CHD3: variants seen among roughly 807,000 people sequenced by gnomAD.
The protein encoded by CHD3 is ATP-dependent chromatin remodeler CHD3.
CHD3 carries 52 observed loss-of-function variants against 248.9 expected under a neutral mutation model. That is an observed-to-expected ratio of 0.21 (90% CI 0.17 to 0.26). The LOEUF (loss-of-function observed/expected upper bound fraction) is 0.26, where lower values mean the gene tolerates loss of function less well. Ranked by LOEUF, CHD3 falls within the 10% of genes least tolerant of loss-of-function variation. CHD3 has a pLI of 1.00. For missense variants in CHD3, 1,482 were observed against 2,605.8 expected (o/e 0.57, Z 9.39); for synonymous variants, 985 against 985.2 (o/e 1.00, Z 0.00).
rs559313061 is a variant in CHD3 at position 7,901,834 on chromosome 17, C to A, written c.3252+459C>A. The stretch of plus-strand genomic sequence containing the variant: ...CCTCTGATGCCTGTTCTTAAGGTTG[C>A]TGGAAGTTGAGGTCCAGCTCTAGTT... On this transcript the variant is annotated intron_variant, in intron 20 of 39. Coordinates refer to ENST00000330494, the MANE Select transcript of CHD3 (RefSeq NM_001005273.3). Among the ~76,000 whole-genome samples, 230 of 152,174 alleles carry A rather than the reference C, an allele frequency of 1.5e-3. 4 individuals carry two copies. In the South Asian group the frequency reaches 0.03, roughly 20 times the overall value.
chr17:7,886,373 G>T (rs1377714679), upstream of CHD3, among the ~76,000 whole-genome samples: 2 of 152,216 alleles, frequency 1.3e-5, no homozygotes, highest in African/African-American at 4.8e-5. The surrounding 1 kb of genome is among the most constrained non-coding windows in gnomAD (Gnocchi z 4.2). Flanking sequence ...TTGGGGAACA[G>T]CAGGGGGACC....
At chr17:7,894,745 T>C in intron 8 of CHD3, 137 bp downstream of exon 8, 3 of 1,333,108 alleles carry the variant, frequency 2.3e-6, no homozygotes, top group Non-Finnish European at 3.1e-6. Flanking sequence ...AGGATCCTAA[T>C]GTATTCCTTT....
At chr17:7,893,060 C>T (rs1281407453) in intron 4 of CHD3, among the ~76,000 whole-genome samples, 3 of 152,128 alleles carry the variant, frequency 2.0e-5, no homozygotes, top group East Asian at 3.8e-4. Context: ...CATGAGCCAC[C>T]GTGCCTGGCC....
rs772231915 is a variant in CHD3, at chr17:7,889,689, G to A, written c.126G>A (p.Pro42=). 5.3e-5 allele frequency: 85 copies of A among 1,613,176 alleles called. No individual in the cohort carries two copies. Among genetic ancestry groups the A allele is most frequent in the South Asian group, 8.8e-5 (8 of 90,936 alleles). ...ATAAGGATGACATTCGGCTGCTGCCGTCAGCATTGGGTGTGAAGAAGAGAA... is the reference window on the plus strand; with the variant it reads ...ATAAGGATGACATTCGGCTGCTGCCATCAGCATTGGGTGTGAAGAAGAGAA... ...MPDKDDIRLL[P]SALGVKKRKR... Residue 42 remains proline (P), a synonymous_variant, in exon 2 of 40, where the codon CCG becomes CCA. Transcript: ENST00000330494. This position sits in a 1 kb window ranked among gnomAD's most constrained non-coding sequence, Gnocchi z 4.5.
At chr17:7,888,150 C>T (rs1316544089), upstream of CHD3, among the ~76,000 whole-genome samples, 4 of 152,208 alleles carry the variant, frequency 2.6e-5, no homozygotes, top group East Asian at 7.7e-4. Flanking sequence ...CTTCCTATTA[C>T]AGTCCCCATT....
At position 7,890,545 on chromosome 17, in the gene CHD3, A is replaced by C. The variant is rs1221428206; in HGVS notation, c.214-26A>C. 4 of 1,489,392 alleles carry C rather than the reference A, an allele frequency of 2.7e-6. No individual in the cohort carries two copies. The African/African-American group carries it at 5.6e-5, about 21-fold the overall frequency. The allele number at this position is 1,489,392 out of a possible 1,614,324, so 92.3% of individuals were successfully genotyped here. On this transcript the variant is annotated intron_variant, in intron 2 of 39. Coordinates refer to ENST00000330494, the MANE Select transcript of CHD3 (RefSeq NM_001005273.3). The stretch of plus-strand genomic sequence containing the variant: ...TTCTGGCAATGGTAGGGATGAATAA[A>C]TGTTATTTTTATTTCTTTCTCTTAG...
At position 7,907,715 on chromosome 17, in the gene CHD3, AGGGACCG is replaced by A. The variant is rs1971163158; in HGVS notation, c.5026+15_5026+21del. 1 of 1,524,072 alleles carries A rather than the reference AGGGACCG, an allele frequency of 6.6e-7. No individual in the cohort carries two copies. Among genetic ancestry groups the A allele is most frequent in the African/African-American group, 1.4e-5 (1 of 71,276 alleles). 94.4% of individuals were successfully genotyped at this position (1,524,072 alleles called of 1,614,324 possible). A position where few individuals can be genotyped will look rare whatever the true frequency, so the allele number is the denominator to read the frequency against. On this transcript the variant is annotated intron_variant, in intron 33 of 39. Transcript: ENST00000330494. The surrounding 1 kb of genome is among the most constrained non-coding windows in gnomAD (Gnocchi z 4.3). Reference sequence around the variant, plus strand: ...TTGGGCAAGAGAGGTAATGGGTGGAAGGGACCGGACACCTGGGTCCCAGAGGGCATCA... The same window carrying A: ...TTGGGCAAGAGAGGTAATGGGTGGAAGACACCTGGGTCCCAGAGGGCATCA...
Position 7,897,178 on chromosome 17 carries a change from T to TG in CHD3, c.1806dup (p.Lys603GlufsTer6). The TG allele has an allele frequency of 6.2e-7, 1 of 1,614,166 alleles. No homozygotes were observed. The highest frequency in any genetic ancestry group is 8.5e-7 in the Non-Finnish European group (1 of 1,180,028). Reference sequence around the variant, plus strand: ...TGGACTATGGCTCCGGCGAGGATGATGGGAAGAGCGACAAGCGTAAAGTGA... The same window carrying TG: ...TGGACTATGGCTCCGGCGAGGATGATGGGGAAGAGCGACAAGCGTAAAGTGA... On this transcript the variant is annotated frameshift_variant, in exon 11 of 40. Coordinates refer to ENST00000330494, the MANE Select transcript of CHD3 (RefSeq NM_001005273.3). LOFTEE classifies it high-confidence loss of function. The surrounding 1 kb of genome is among the most constrained non-coding windows in gnomAD (Gnocchi z 4.8).
rs754127135 is a variant in CHD3, at chr17:7,900,248, T to C, written c.2683-42T>C. 6.2e-6 allele frequency: 10 copies of C among 1,613,012 alleles called. No individual in the cohort carries two copies. Among genetic ancestry groups the C allele is most frequent in the Admixed American group, 1.7e-5 (1 of 59,976 alleles). On this transcript the variant is annotated intron_variant, in intron 16 of 39. Coordinates refer to ENST00000330494, the MANE Select transcript of CHD3 (RefSeq NM_001005273.3). The surrounding 1 kb of genome is among the most constrained non-coding windows in gnomAD (Gnocchi z 6.5). ...ATGCTGTGGGTCGGTCACTTGTCAC[T>C]AATAAGCCCATTTTCCTGCCTTGCC...
chr17:7,893,435 T>G lies in CHD3; in HGVS notation c.659T>G (p.Val220Gly). ...GCAGCGGCAGCAGCAGCAGCAGCTG[T>G]AGCTGAGCAGGTGTCAGCTGCTGTC... ...AAAAAAAAAA[V>G]AEQVSAAVSS... Residue 220 changes from valine (V) to glycine (G), a missense_variant, in exon 5 of 40, where the codon GTA becomes GGA. Around this residue, in one of 20 missense-constraint regions of CHD3, gnomAD observed 149 missense variants for 182.6 expected, o/e 0.82. Transcript: ENST00000330494. 1 of 1,611,578 alleles carries G rather than the reference T, an allele frequency of 6.2e-7. No individual in the cohort carries two copies. The highest frequency in any genetic ancestry group is 8.5e-7 in the Non-Finnish European group (1 of 1,178,472).
Position 7,909,493 on chromosome 17 carries a change from C to T in CHD3, c.5590+155C>T, listed in dbSNP as rs1971390779. On this transcript the variant is annotated intron_variant, in intron 37 of 39. Coordinates refer to ENST00000330494, the MANE Select transcript of CHD3 (RefSeq NM_001005273.3). The surrounding 1 kb of genome is among the most constrained non-coding windows in gnomAD (Gnocchi z 8.1). Reference sequence around the variant, plus strand: ...CCCACTCCTACCGACCTGGCACCCCCTTGGATTTTAGCCTCTAGGACTTGT... The same window carrying T: ...CCCACTCCTACCGACCTGGCACCCCTTTGGATTTTAGCCTCTAGGACTTGT... The T allele has an allele frequency of 8.6e-7, 1 of 1,158,056 alleles. No individual in the cohort carries two copies. Among genetic ancestry groups the T allele is most frequent in the Non-Finnish European group, 1.2e-6 (1 of 851,006 alleles). 71.7% of individuals were successfully genotyped at this position (1,158,056 alleles called of 1,614,324 possible). A position where few individuals can be genotyped will look rare whatever the true frequency, so the allele number is the denominator to read the frequency against.
intron 13 of CHD3, among the ~76,000 whole-genome samples, 195 bp from the exon 14 acceptor site, chr17:7,898,816 C>T (rs1969988438): frequency 6.6e-6 from 1 of 152,136 alleles, no homozygotes; most frequent in Non-Finnish European, 1.5e-5. Flanking sequence ...GCTGGCCCTT[C>T]CCCATGGTGC....
At position 7,890,642 on chromosome 17, in the gene CHD3, T is replaced by C. The variant is rs762376795; in HGVS notation, c.285T>C (p.Tyr95=). The change falls in exon 3 of 40, where the codon TAT becomes TAC. Residue 95 remains tyrosine, a synonymous_variant. Transcript: ENST00000330494. Reference sequence around the variant, plus strand: ...AGTCAGAGAGTGGGGGCAGTGAATATGGAACCGGACCGGGTCGGAAACGAA... The same window carrying C: ...AGTCAGAGAGTGGGGGCAGTGAATACGGAACCGGACCGGGTCGGAAACGAA... The part of the protein sequence containing the change: ...REKSESGGSE[Y]GTGPGRKRRR... 8.7e-5 allele frequency: 139 copies of C among 1,603,268 alleles called. No homozygotes were observed. The highest frequency in any genetic ancestry group is 1.1e-4 in the Non-Finnish European group (128 of 1,178,078).
chr17:7,884,872 AGAG>A, upstream of CHD3: 1 of 1,227,984 alleles, frequency 8.1e-7, no homozygotes, highest in Middle Eastern at 2.9e-4. Flanking sequence ...AGGAGGAAGA[AGAG>A]GAGGAAGAAG....
In CHD3 at chr17:7,898,051, A is replaced by G. The variant is rs1244840147; in HGVS notation, c.2000A>G (p.Glu667Gly). Residue 667 changes from glutamate (E) to glycine (G), a missense_variant, in exon 12 of 40, where the codon GAA becomes GGA. Physicochemically the swap from Glu to Gly is moderately conservative, Grantham distance 98. Coordinates refer to ENST00000330494, the MANE Select transcript of CHD3 (RefSeq NM_001005273.3). ...PYDQSTWEED[E>G]MNIPEYEEHK... is the part of the protein sequence containing the mutation. ...GACCAGTCCACGTGGGAGGAAGATG[A>G]AATGAATATCCCTGAATACGAAGAA... 1 of 1,614,190 alleles carries G rather than the reference A, an allele frequency of 6.2e-7. No individual in the cohort carries two copies. The highest frequency in any genetic ancestry group is 2.2e-5 in the East Asian group (1 of 44,886).
intron 8 of CHD3, 93 bp from the exon 9 acceptor site, chr17:7,894,824 T>G: frequency 2.6e-6 from 4 of 1,556,488 alleles, no homozygotes; most frequent in Non-Finnish European, 3.5e-6. Flanking sequence ...TCTCTGCACT[T>G]CTAGGATTCA....
At chr17:7,885,203 G>C (rs568441362), upstream of CHD3, 265 of 931,384 alleles carry the variant, frequency 2.8e-4, no homozygotes, top group Non-Finnish European at 3.3e-4. Context: ...GCGCGAATCC[G>C]GGGCTCGGGC....
At chr17:7,894,889 G>A (rs1457180646) in intron 8 of CHD3, 28 bp from the exon 9 acceptor site, 1 of 1,610,586 alleles carries the variant, frequency 6.2e-7, no homozygotes, top group South Asian at 1.1e-5. Context: ...TCTTCCATCT[G>A]TCTGTGTGTC....
At position 7,909,169 on chromosome 17, in the gene CHD3, G is replaced by A. The variant is rs1157113516; in HGVS notation, c.5421G>A (p.Glu1807=). The A allele has an allele frequency of 1.9e-6, 3 of 1,556,844 alleles. No individual in the cohort carries two copies. The highest frequency in any genetic ancestry group is 2.6e-6 in the Non-Finnish European group (3 of 1,151,114). The change falls in exon 37 of 40, where the codon GAG becomes GAA. Residue 1807 remains glutamate (E), a synonymous_variant. Transcript: ENST00000330494. This position sits in a 1 kb window ranked among gnomAD's most constrained non-coding sequence, Gnocchi z 8.1. ...TCCTGGAGCAGGCGCTGGTGATTGA[G>A]GAGCAGCTGCGGCGGGCGGCCTACC... is the stretch of plus-strand genomic sequence containing the variant. ...FKLLEQALVI[E]EQLRRAAYLN... is the part of the protein sequence containing the mutation.
Sources: gnomAD v4.1 joint callset for allele counts (sites outside exome capture counted in the v4.1 genomes callset) on GRCh38, gnomAD v4.1.1 for gene constraint, gnomAD v4.1.1 regional missense constraint, Gnocchi (gnomAD v3.1) non-coding constraint, MANE v1.5 for transcripts, NCBI Gene and HGNC (gene_info 2026-07-23, HGNC 2026-07-21) for gene names.